Variants in DACH1 observed in about 807,000 individuals in gnomAD.
DACH1 encodes dachshund homolog 1.
In DACH1, 12 loss-of-function variants were observed where a neutral mutation model predicts 54.2. That is an observed-to-expected ratio of 0.22 (90% CI 0.14 to 0.36). DACH1 has a LOEUF of 0.36. DACH1 is among the 10% of genes least tolerant of loss of function. The probability of loss-of-function intolerance (pLI) is 1.00; values close to 1 mark genes in which losing one functional copy is unlikely to be tolerated. For missense variants in DACH1, 805 were observed against 929.8 expected, an observed-to-expected ratio of 0.87 and a Z score of 1.75; for synonymous variants, 386 against 366.2, an observed-to-expected ratio of 1.05 and a Z score of -0.62.
intron 1 of DACH1, among the ~76,000 whole-genome samples, chr13:71,794,344 G>A (rs181789403): frequency 6.6e-6 from 1 of 152,316 alleles, no homozygotes; most frequent in Admixed American, 6.5e-5. Context: ...AATCCTAGGT[G>A]AATTAACATG....
chr13:71,542,484 A>C lies in DACH1; in HGVS notation c.1570+14540T>G, dbSNP rs1300652616. Among the ~76,000 whole-genome samples the C allele has an allele frequency of 2.6e-5, 4 of 152,268 alleles. No homozygotes were observed. In the East Asian group the frequency reaches 7.7e-4, roughly 29 times the overall value. On this transcript the variant is annotated intron_variant, in intron 6 of 10. Coordinates refer to ENST00000613252, the MANE Select transcript of DACH1 (RefSeq NM_080759.6). The stretch of plus-strand genomic sequence containing the variant: ...ATTATTAGCTATAAAGAATTGATAG[A>C]GAAAAATACATGTGTCGATAGCTGA...
intron 1 of DACH1, among the ~76,000 whole-genome samples, chr13:71,714,552 G>A (rs1882882963): frequency 6.6e-6 from 1 of 152,060 alleles, no homozygotes; most frequent in African/African-American, 2.4e-5. Flanking sequence ...CTTACATCCA[G>A]TATTATACAC....
chr13:71,523,434 A>C (rs1881740863), intron 6 of DACH1, among the ~76,000 whole-genome samples: 1 of 152,162 alleles, frequency 6.6e-6, no homozygotes, highest in Non-Finnish European at 1.5e-5. Context: ...ATTTTGGCTA[A>C]AAGACAATGA....
chr13:71,656,949 TGCGCATATAA>T (rs1879142078), intron 2 of DACH1, among the ~76,000 whole-genome samples: 1 of 131,802 alleles, frequency 7.6e-6, no homozygotes. Flanking sequence ...TATATATATA[TGCGCATATAA>T]ATATGCACAT....
intron 1 of DACH1, among the ~76,000 whole-genome samples, chr13:71,840,708 A>G (rs1254493915): frequency 6.6e-6 from 1 of 152,210 alleles, no homozygotes; most frequent in African/African-American, 2.4e-5. Context: ...TGAATAAGAG[A>G]AGTGATAAAA....
At chr13:71,496,271 A>G (rs1306728771) in intron 6 of DACH1, among the ~76,000 whole-genome samples, 29 of 98,228 alleles carry the variant, frequency 3.0e-4, no homozygotes, top group African/African-American at 1.0e-3. Context: ...GTATATATAT[A>G]TATATATATA....
chr13:71,458,055 C>T (rs190670688), intron 10 of DACH1, among the ~76,000 whole-genome samples: 2 of 151,944 alleles, frequency 1.3e-5, no homozygotes, highest in Non-Finnish European at 2.9e-5. Context: ...TTACTCTATT[C>T]CTTATGAATA....
intron 10 of DACH1, among the ~76,000 whole-genome samples, chr13:71,449,457 T>C (rs1874807621): frequency 6.6e-6 from 1 of 152,044 alleles, no homozygotes; most frequent in Non-Finnish European, 1.5e-5. Flanking sequence ...TTCTCACTTA[T>C]AAGTGGGAGT....
chr13:71,771,924 C>T (rs1370467137), intron 1 of DACH1, among the ~76,000 whole-genome samples: 1 of 149,656 alleles, frequency 6.7e-6, no homozygotes, highest in Non-Finnish European at 1.5e-5. Flanking sequence ...AATTAAAAGT[C>T]CAAGAGAATC....
intron 2 of DACH1, among the ~76,000 whole-genome samples, chr13:71,655,946 T>A (rs992261589): frequency 1.3e-5 from 2 of 152,246 alleles, no homozygotes; most frequent in African/African-American, 4.8e-5. Flanking sequence ...GTCACATTTT[T>A]TATGAAGCAT....
At chr13:71,859,803 A>G (rs1177445356) in intron 1 of DACH1, among the ~76,000 whole-genome samples, 3 of 151,970 alleles carry the variant, frequency 2.0e-5, no homozygotes, top group African/African-American at 7.2e-5. Flanking sequence ...CCTGTATGTG[A>G]CATTTGCTAA....
chr13:71,483,994 G>A (rs1878276471), intron 7 of DACH1, among the ~76,000 whole-genome samples: 1 of 152,132 alleles, frequency 6.6e-6, no homozygotes, highest in African/African-American at 2.4e-5. Context: ...TTCTCAGAAT[G>A]TATCCCCAGC....
chr13:71,618,335 A>C (rs1875938913), intron 3 of DACH1, among the ~76,000 whole-genome samples: 1 of 151,980 alleles, frequency 6.6e-6, no homozygotes, highest in Admixed American at 6.6e-5. Flanking sequence ...TGATAGAAAA[A>C]CTCAGAAACT....
intron 1 of DACH1, among the ~76,000 whole-genome samples, chr13:71,732,819 C>T (rs1302824291): frequency 6.6e-6 from 1 of 152,122 alleles, no homozygotes; most frequent in Non-Finnish European, 1.5e-5. Context: ...TACTATCTAA[C>T]CGTCTCTAGA....
rs1200346517 is a variant in DACH1, at chr13:71,866,476, G to GCCGCCGCCA, written c.285_293dup (p.Gly99_Gly101dup). 4.8e-5 allele frequency: 61 copies of GCCGCCGCCA among 1,268,758 alleles called. No homozygotes were observed. Among genetic ancestry groups the GCCGCCGCCA allele is most frequent in the East Asian group, 3.3e-4 (10 of 30,494 alleles). 78.6% of individuals were successfully genotyped at this position (1,268,758 alleles called of 1,614,324 possible). A position where few individuals can be genotyped will look rare whatever the true frequency, so the allele number is the denominator to read the frequency against. ...TGGGGTTGCAGTTGCTGCCACCGCCGCCGCCGCCACCGCCGCCTCCGTTGC... is the reference window on the plus strand; with the variant it reads ...TGGGGTTGCAGTTGCTGCCACCGCCGCCGCCGCCACCGCCGCCACCGCCGCCTCCGTTGC... On this transcript the variant is annotated inframe_insertion, in exon 1 of 11. Transcript: ENST00000613252.
intron 1 of DACH1, among the ~76,000 whole-genome samples, chr13:71,752,454 C>A (rs974636216): frequency 2.1e-5 from 3 of 146,254 alleles, no homozygotes; most frequent in Non-Finnish European, 3.0e-5. Context: ...CCAGGAAATT[C>A]TCTCTCTTTC....
At chr13:71,814,723 G>A (rs555810392) in intron 1 of DACH1, among the ~76,000 whole-genome samples, 8 of 152,256 alleles carry the variant, frequency 5.3e-5, no homozygotes, top group South Asian at 2.1e-4. Flanking sequence ...AGCAATTGTC[G>A]TCTTATAAAT....
chr13:71,632,654 G>T (rs1223713289), intron 2 of DACH1, among the ~76,000 whole-genome samples: 1 of 152,014 alleles, frequency 6.6e-6, no homozygotes, highest in Non-Finnish European at 1.5e-5. Flanking sequence ...TGGCTTTTTA[G>T]AGGTTAGAAG....
At chr13:71,475,054 G>T (rs1452499828) in intron 10 of DACH1, 87 bp downstream of exon 10, 4 of 1,203,414 alleles carry the variant, frequency 3.3e-6, no homozygotes, top group African/African-American at 1.5e-5. Context: ...GGCCCAGATG[G>T]TAGGCTACAT....
Sources: gnomAD v4.1 joint callset for allele counts (sites outside exome capture counted in the v4.1 genomes callset) on GRCh38, gnomAD v4.1.1 for gene constraint, MANE v1.5 for transcripts, NCBI Gene and HGNC (gene_info 2026-07-23, HGNC 2026-07-21) for gene names.